Variants in CFAP54 observed in about 807,000 individuals in gnomAD.
CFAP54 encodes cilia and flagella associated protein 54.
A neutral mutation model predicts 370.4 loss-of-function variants in CFAP54; 290 were observed. That is an observed-to-expected ratio of 0.78 (90% CI 0.71 to 0.86). The LOEUF is 0.86. CFAP54 is among the 40% of genes least tolerant of loss of function. CFAP54 has a pLI of 0.00. For missense variants in CFAP54, 3,399 were observed against 3,528.7 expected (o/e 0.96, Z 0.93); for synonymous variants, 1,206 against 1,236.5 (o/e 0.98, Z 0.52).
chr12:96,708,507 C>T (rs890566614), intron 47 of CFAP54, 101 bp from the exon 48 acceptor site: 1 of 983,324 alleles, frequency 1.0e-6, no homozygotes. Flanking sequence ...GCCCTATATC[C>T]CTTCATCCAA....
Position 96,535,008 on chromosome 12 carries a change from CTGTGTGTGTGTGTGTGTG to C in CFAP54, c.1706-479_1706-462del, listed in dbSNP as rs4018882. Among the ~76,000 whole-genome samples the C allele has an allele frequency of 8.2e-3, 1,128 of 137,440 alleles. 26 individuals are homozygous for C. The highest frequency in any genetic ancestry group is 0.045 in the Admixed American group (612 of 13,640). The allele number at this position is 137,440 out of a possible 152,430, so 90.2% of individuals were successfully genotyped here. A position where few individuals can be genotyped will look rare whatever the true frequency, so the allele number is the denominator to read the frequency against. Reference sequence around the variant, plus strand: ...GAGCCACTAAGATTAGTTTTCTTTTCTGTGTGTGTGTGTGTGTGTGTGTGTGTGTGTGTGTGTGTGTGT... The same window carrying C: ...GAGCCACTAAGATTAGTTTTCTTTTCTGTGTGTGTGTGTGTGTGTGTGTGT... On this transcript the variant is annotated intron_variant, in intron 11 of 67. Transcript: ENST00000524981.
chr12:96,836,376 C>T (rs547513196), intron 66 of CFAP54, among the ~76,000 whole-genome samples: 19 of 152,264 alleles, frequency 1.2e-4, no homozygotes, highest in South Asian at 1.2e-3. Flanking sequence ...GGGCACTAGG[C>T]TTCCTGGCTT....
chr12:96,778,174 G>T (rs1474163586), intron 60 of CFAP54, among the ~76,000 whole-genome samples: 1 of 152,204 alleles, frequency 6.6e-6, no homozygotes, highest in Non-Finnish European at 1.5e-5. Flanking sequence ...AAAGTGCCAT[G>T]ATTTCATTGG....
chr12:96,577,787 G>A (rs912889868), intron 20 of CFAP54, among the ~76,000 whole-genome samples: 6 of 152,100 alleles, frequency 3.9e-5, no homozygotes, highest in Admixed American at 3.3e-4. Context: ...TGGGCTAAGC[G>A]CGATGGCTCA....
At chr12:96,873,704 C>A (rs568345822) in intron 67 of CFAP54, among the ~76,000 whole-genome samples, 2 of 152,294 alleles carry the variant, frequency 1.3e-5, no homozygotes, top group African/African-American at 4.8e-5. Flanking sequence ...AGCAGCCATA[C>A]ACAAAGTATA....
At chr12:96,644,030 A>G (rs1461048517) in intron 32 of CFAP54, 148 bp from the exon 33 acceptor site, 1 of 627,672 alleles carries the variant, frequency 1.6e-6, no homozygotes, top group Non-Finnish European at 2.7e-6. Context: ...TATTTCTAGC[A>G]CTGCAGAAAT....
chr12:96,704,916 T>TC, intron 47 of CFAP54, 120 bp downstream of exon 47: 1 of 353,296 alleles, frequency 2.8e-6, no homozygotes, highest in Non-Finnish European at 5.4e-6. Context: ...AATATTCTTT[T>TC]CTTTTTTTTT....
intron 27 of CFAP54, among the ~76,000 whole-genome samples, chr12:96,622,049 T>C (rs1322185771): frequency 6.6e-6 from 1 of 152,010 alleles, no homozygotes; most frequent in Non-Finnish European, 1.5e-5. Flanking sequence ...CTAAAGTCTC[T>C]TCCAAATCTA....
At chr12:96,542,476 G>T (rs1378782170) in intron 14 of CFAP54, among the ~76,000 whole-genome samples, 2 of 152,060 alleles carry the variant, frequency 1.3e-5, no homozygotes, top group African/African-American at 2.4e-5. Flanking sequence ...AAAAACTTTT[G>T]TTATGCAGAA....
At chr12:96,712,136 A>AT (rs148855614) in intron 48 of CFAP54, among the ~76,000 whole-genome samples, 2,336 of 151,692 alleles carry the variant, frequency 0.015, 159 homozygotes, top group Admixed American at 0.12. Context: ...ACATTATACT[A>AT]TTTTTTTTCC....
chr12:96,792,631 G>A (rs926845669), intron 63 of CFAP54, 132 bp downstream of exon 63: 52 of 558,034 alleles, frequency 9.3e-5, no homozygotes, highest in Non-Finnish European at 1.4e-4. Flanking sequence ...AATCTACATT[G>A]TCTAGTAGAA....
intron 39 of CFAP54, among the ~76,000 whole-genome samples, chr12:96,669,766 G>A (rs1957123101): frequency 1.3e-5 from 2 of 152,204 alleles, no homozygotes; most frequent in African/African-American, 4.8e-5. Context: ...GCTATCCAGT[G>A]TATGGTTGGA....
At position 96,489,649 on chromosome 12, in the gene CFAP54, G is replaced by T; in HGVS notation, c.40G>T (p.Asp14Tyr). 1 of 1,530,766 alleles carries T rather than the reference G, an allele frequency of 6.5e-7. No individual in the cohort carries two copies. Among genetic ancestry groups the T allele is most frequent in the Non-Finnish European group, 8.8e-7 (1 of 1,142,538 alleles). The allele number at this position is 1,530,766 out of a possible 1,614,324, so 94.8% of individuals were successfully genotyped here. A position where few individuals can be genotyped will look rare whatever the true frequency, so the allele number is the denominator to read the frequency against. The change falls in exon 1 of 68, where the codon GAC becomes TAC. Residue 14 changes from aspartate to tyrosine, a missense_variant. By Grantham distance (160) the Asp-to-Tyr change is radical (BLOSUM62 -3). Transcript: ENST00000524981. ...CTCCCCCTCGAGCTCTCCGTCAGAC[G>T]ACTCTACCACCTCGGGGTCTCTGCC... The part of the protein sequence containing the change: ...QGSPSSSPSD[D>Y]STTSGSLPEL...
At chr12:96,639,224 C>A (rs1956696951) in intron 32 of CFAP54, among the ~76,000 whole-genome samples, 1 of 151,852 alleles carries the variant, frequency 6.6e-6, no homozygotes, top group Non-Finnish European at 1.5e-5. Context: ...CAAATGGACG[C>A]AATAAAAAAT....
chr12:96,828,950 A>G, intron 65 of CFAP54, 64 bp from the exon 66 acceptor site: 1 of 784,250 alleles, frequency 1.3e-6, no homozygotes, highest in Non-Finnish European at 2.0e-6. Context: ...TTTATAATTA[A>G]ATAGGTAATA....
intron 60 of CFAP54, among the ~76,000 whole-genome samples, chr12:96,776,789 A>T (rs1958521988): frequency 6.6e-6 from 1 of 152,244 alleles, no homozygotes; most frequent in Non-Finnish European, 1.5e-5. Context: ...TCTTTTACCC[A>T]TGCATGATTT....
intron 63 of CFAP54, among the ~76,000 whole-genome samples, chr12:96,809,679 T>TA (rs1357605860): frequency 1.3e-5 from 2 of 152,202 alleles, no homozygotes; most frequent in African/African-American, 4.8e-5. Context: ...ACTGTCTACT[T>TA]ATGTTTGAAG....
chr12:96,828,064 AT>A (rs1285475086), intron 65 of CFAP54, among the ~76,000 whole-genome samples: 3 of 129,408 alleles, frequency 2.3e-5, no homozygotes, highest in Admixed American at 2.0e-4. Context: ...TATATTATTA[AT>A]ATATAATTAT....
At chr12:96,693,575 C>A (rs1221508074) in intron 44 of CFAP54, 147 bp from the exon 45 acceptor site, 2 of 520,168 alleles carry the variant, frequency 3.8e-6, no homozygotes, top group Non-Finnish European at 6.7e-6. Flanking sequence ...TAGATTATTT[C>A]ACTTATTTTC....
Sources: allele counts gnomAD v4.1 joint callset (sites outside exome capture counted in the v4.1 genomes callset), GRCh38; gene constraint gnomAD v4.1.1; transcripts MANE v1.5; gene names NCBI Gene and HGNC (gene_info 2026-07-23, HGNC 2026-07-21).